Variants in FAM181B observed in about 807,000 individuals in gnomAD.
FAM181B encodes the protein protein FAM181B.
In FAM181B, 13 loss-of-function variants were observed where a neutral mutation model predicts 17.8. That is an observed-to-expected ratio of 0.73 (90% CI 0.48 to 1.16). The LOEUF (loss-of-function observed/expected upper bound fraction) is 1.16. FAM181B is among the 50% of genes most tolerant of loss of function. The pLI, the probability that FAM181B is intolerant of heterozygous loss-of-function variation, is 0.00. For missense variants in FAM181B, 725 were observed against 634.1 expected, an observed-to-expected ratio of 1.14 and a Z score of -1.54; for synonymous variants, 338 against 316.5, an observed-to-expected ratio of 1.07 and a Z score of -0.72.
In FAM181B at chr11:82,733,291, G is replaced by A. The variant is rs1235689819; in HGVS notation, c.439C>T (p.Pro147Ser). Reference protein sequence around the residue: ...VAAPAHGKAAPRREASQAAAA... With the variant: ...VAAPAHGKAASRREASQAAAA... Reference sequence around the variant, plus strand: ...GCGGCCTGCGACGCCTCCCGCCGGGGGGCAGCCTTGCCGTGGGCCGGGGCC... The same window carrying A: ...GCGGCCTGCGACGCCTCCCGCCGGGAGGCAGCCTTGCCGTGGGCCGGGGCC... The change falls in exon 1 of 1, where the codon CCC becomes TCC. Residue 147 changes from proline (P) to serine (S), a missense_variant. Transcript: ENST00000329203. 8.2e-7 allele frequency: 1 copy of A among 1,221,522 alleles called. No individual in the cohort carries two copies. Among genetic ancestry groups the A allele is most frequent in the South Asian group, 3.9e-5 (1 of 25,484 alleles). 75.7% of individuals were successfully genotyped at this position (1,221,522 alleles called of 1,614,324 possible). A position where few individuals can be genotyped will look rare whatever the true frequency, so the allele number is the denominator to read the frequency against.
Position 82,733,404 on chromosome 11 carries a change from C to T in FAM181B, c.326G>A (p.Gly109Asp). The T allele has an allele frequency of 6.7e-7, 1 of 1,500,580 alleles. No individual in the cohort carries two copies. Among genetic ancestry groups the T allele is most frequent in the South Asian group, 1.3e-5 (1 of 79,902 alleles). 93.0% of individuals were successfully genotyped at this position (1,500,580 alleles called of 1,614,324 possible). The change falls in exon 1 of 1, where the codon GGC becomes GAC. Residue 109 changes from glycine to aspartate, a missense_variant. Physicochemically the swap from Gly to Asp is moderately conservative, Grantham distance 94 (BLOSUM62 -1). Coordinates refer to ENST00000329203, the MANE Select transcript of FAM181B (RefSeq NM_175885.4). Reference protein sequence around the residue: ...KQIKRCSGLMGAAPPGPPSPS... With the variant: ...KQIKRCSGLMDAAPPGPPSPS... ...GGAGGGCGGGCCGGGGGGCGCGGCG[C>T]CCATGAGGCCGCTGCAGCGCTTGAT...
At position 82,733,423 on chromosome 11, in the gene FAM181B, G is replaced by A. The variant is rs771983271; in HGVS notation, c.307C>T (p.Arg103Cys). 2 of 1,561,520 alleles carry A rather than the reference G, an allele frequency of 1.3e-6. No individual in the cohort carries two copies. Among genetic ancestry groups the A allele is most frequent in the Non-Finnish European group, 1.7e-6 (2 of 1,154,258 alleles). ...GCGGCGCCCATGAGGCCGCTGCAGC[G>A]CTTGATCTGCTTCTGCAGGTACTTG... ...HRKYLQKQIK[R>C]CSGLMGAAPP... Residue 103 changes from arginine to cysteine, a missense_variant, in exon 1 of 1, where the codon CGC becomes TGC. Coordinates refer to ENST00000329203, the MANE Select transcript of FAM181B (RefSeq NM_175885.4).
rs1394580648 is a variant in FAM181B at position 82,730,404 on chromosome 11, AGAG to A, written c.*2042_*2044del. 1 of 152,242 alleles carries A rather than the reference AGAG, an allele frequency of 6.6e-6. No homozygotes were observed. The highest frequency in any genetic ancestry group is 1.5e-5 in the Non-Finnish European group (1 of 68,040). 9.4% of individuals were successfully genotyped at this position (152,242 alleles called of 1,614,324 possible). A position where few individuals can be genotyped will look rare whatever the true frequency, so the allele number is the denominator to read the frequency against. On this transcript the variant is annotated 3_prime_UTR_variant, in exon 1 of 1. Coordinates refer to ENST00000329203, the MANE Select transcript of FAM181B (RefSeq NM_175885.4). ...GTTTTACTACACTAGGTAAGAAAGG[AGAG>A]GAGAATTAAGAAACATTACAATGAC...
chr11:82,733,798 C>T lies in FAM181B; in HGVS notation c.-69G>A, dbSNP rs1252586194. 8.4e-7 allele frequency: 1 copy of T among 1,188,420 alleles called. No homozygotes were observed. The highest frequency in any genetic ancestry group is 1.0e-6 in the Non-Finnish European group (1 of 955,134). The allele number at this position is 1,188,420 out of a possible 1,614,324, so 73.6% of individuals were successfully genotyped here. On this transcript the variant is annotated 5_prime_UTR_variant, in exon 1 of 1. Transcript: ENST00000329203. ...CGCCAGCTCCTGCCCGCCGCCCAGA[C>T]CCAGCTCCCGCCCCGGCGCGGCGCG...
Position 82,732,574 on chromosome 11 carries a change from G to A in FAM181B, c.1156C>T (p.Pro386Ser), listed in dbSNP as rs1857145205. 1 of 1,607,506 alleles carries A rather than the reference G, an allele frequency of 6.2e-7. No homozygotes were observed. Among genetic ancestry groups the A allele is most frequent in the Non-Finnish European group, 8.5e-7 (1 of 1,177,638 alleles). Residue 386 changes from proline (P) to serine (S), a missense_variant, in exon 1 of 1, where the codon CCG becomes TCG. Pro to Ser is a moderately conservative substitution (Grantham distance 74). Coordinates refer to ENST00000329203, the MANE Select transcript of FAM181B (RefSeq NM_175885.4). ...FFPDCALPPP[P>S]PPHQVSYDYS... ...TCGTAGGACACCTGATGGGGCGGCG[G>A]CGGCGGGGGCAGGGCGCAGTCTGGA...
chr11:82,732,472 C>T lies in FAM181B; in HGVS notation c.1258G>A (p.Glu420Lys), dbSNP rs746141501. Residue 420 changes from glutamate to lysine, a missense_variant, in exon 1 of 1, where the codon GAG becomes AAG. Coordinates refer to ENST00000329203, the MANE Select transcript of FAM181B (RefSeq NM_175885.4). Reference protein sequence around the residue: ...SDGVWEGAPGEEGAHRD With the variant: ...SDGVWEGAPGKEGAHRD ...AGTCAGTCCCGGTGCGCCCCCTCCT[C>T]CCCCGGCGCCCCTTCCCAAACCCCG... The T allele has an allele frequency of 1.1e-5, 18 of 1,612,920 alleles. No homozygotes were observed. In the South Asian group the frequency reaches 1.8e-4, roughly 16 times the overall value.
Position 82,733,399 on chromosome 11 carries a change from C to G in FAM181B, c.331G>C (p.Ala111Pro). ...CTCGGGGAGGGCGGGCCGGGGGGCG[C>G]GGCGCCCATGAGGCCGCTGCAGCGC... is the stretch of plus-strand genomic sequence containing the variant. ...IKRCSGLMGA[A>P]PPGPPSPSAA... is the part of the protein sequence containing the mutation. Residue 111 changes from alanine to proline, a missense_variant, in exon 1 of 1, where the codon GCG (alanine) becomes CCG (proline). By Grantham distance (27) the Ala-to-Pro change is conservative (BLOSUM62 -1). Coordinates refer to ENST00000329203, the MANE Select transcript of FAM181B (RefSeq NM_175885.4). The G allele has an allele frequency of 1.3e-6, 2 of 1,483,402 alleles. No homozygotes were observed. Among genetic ancestry groups the G allele is most frequent in the Non-Finnish European group, 1.8e-6 (2 of 1,115,326 alleles). The allele number at this position is 1,483,402 out of a possible 1,614,324, so 91.9% of individuals were successfully genotyped here.
In FAM181B at chr11:82,733,303, C is replaced by A. The variant is rs1209008369; in HGVS notation, c.427G>T (p.Gly143Cys). ...SAPTVAAPAH[G>C]KAAPRREASQ... ...GCCTCCCGCCGGGGGGCAGCCTTGC[C>A]GTGGGCCGGGGCCGCGACTGTCGGG... Residue 143 changes from glycine to cysteine, a missense_variant, in exon 1 of 1, where the codon GGC becomes TGC. Transcript: ENST00000329203. 1.6e-6 allele frequency: 2 copies of A among 1,229,288 alleles called. No individual in the cohort carries two copies. Among genetic ancestry groups the A allele is most frequent in the East Asian group, 6.8e-5 (2 of 29,622 alleles). 76.1% of individuals were successfully genotyped at this position (1,229,288 alleles called of 1,614,324 possible). A position where few individuals can be genotyped will look rare whatever the true frequency, so the allele number is the denominator to read the frequency against.
In FAM181B at chr11:82,732,940, ACTCCACGGC is replaced by A; in HGVS notation, c.781_789del (p.Ala261_Glu263del). On this transcript the variant is annotated inframe_deletion, in exon 1 of 1. Transcript: ENST00000329203. Reference sequence around the variant, plus strand: ...TAGTCGGGCCCCAGCAGCTCAAAGAACTCCACGGCCTCCGCGCCCTTCTCCAGGTCGCCC... The same window carrying A: ...TAGTCGGGCCCCAGCAGCTCAAAGAACTCCGCGCCCTTCTCCAGGTCGCCC... The A allele has an allele frequency of 6.4e-7, 1 of 1,569,592 alleles. No individual in the cohort carries two copies. The highest frequency in any genetic ancestry group is 8.6e-7 in the Non-Finnish European group (1 of 1,164,782).
Position 82,733,141 on chromosome 11 carries a change from C to G in FAM181B, c.589G>C (p.Gly197Arg). ...AAPAAGLGGA[G>R]TGGAGGDVAG... ...ACGTCCCCTCCCGCGCCCCCAGTGCCCGCACCTCCTAGCCCGGCCGCCGGC... is the reference window on the plus strand; with the variant it reads ...ACGTCCCCTCCCGCGCCCCCAGTGCGCGCACCTCCTAGCCCGGCCGCCGGC... The change falls in exon 1 of 1, where the codon GGC (glycine) becomes CGC (arginine). Residue 197 changes from glycine (G) to arginine (R), a missense_variant. Gly to Arg is a moderately radical substitution (Grantham distance 125). Transcript: ENST00000329203. 1 of 1,449,712 alleles carries G rather than the reference C, an allele frequency of 6.9e-7. No individual in the cohort carries two copies. The highest frequency in any genetic ancestry group is 1.4e-5 in the South Asian group (1 of 72,178). 89.8% of individuals were successfully genotyped at this position (1,449,712 alleles called of 1,614,324 possible).
At position 82,733,647 on chromosome 11, in the gene FAM181B, G is replaced by A; in HGVS notation, c.83C>T (p.Ala28Val). 6.3e-7 allele frequency: 1 copy of A among 1,587,954 alleles called. No homozygotes were observed. The highest frequency in any genetic ancestry group is 8.5e-7 in the Non-Finnish European group (1 of 1,172,428). Residue 28 changes from alanine to valine, a missense_variant, in exon 1 of 1, where the codon GCC (alanine) becomes GTC (valine). Ala to Val is a moderately conservative substitution (Grantham distance 64). Coordinates refer to ENST00000329203, the MANE Select transcript of FAM181B (RefSeq NM_175885.4). ...GCAGCCCTTGTCCAGGGCTCCGAAG[G>A]CGCCCCCTAGCCCGTCCGGGGAGCC... Reference protein sequence around the residue: ...FGGSPDGLGGAFGALDKGCCF... With the variant: ...FGGSPDGLGGVFGALDKGCCF...
At position 82,732,624 on chromosome 11, in the gene FAM181B, T is replaced by C. The variant is rs747888156; in HGVS notation, c.1106A>G (p.His369Arg). ...AAAGAAGGGGGCGAAAGAGGCCAAA[T>C]GGCCCCGCCCGTCCTCCCCGCCGGG... ...DSPGGEDGRG[H>R]LASFAPFFPD... Residue 369 changes from histidine (H) to arginine (R), a missense_variant, in exon 1 of 1, where the codon CAT becomes CGT. His to Arg is a conservative substitution (Grantham distance 29). Coordinates refer to ENST00000329203, the MANE Select transcript of FAM181B (RefSeq NM_175885.4). 40 of 1,544,508 alleles carry C rather than the reference T, an allele frequency of 2.6e-5. No individual in the cohort carries two copies. Among genetic ancestry groups the C allele is most frequent in the Non-Finnish European group, 3.4e-5 (39 of 1,143,666 alleles).
chr11:82,733,833 G>A lies in FAM181B; in HGVS notation c.-104C>T, dbSNP rs1032313965. 2.1e-6 allele frequency: 2 copies of A among 973,864 alleles called. No individual in the cohort carries two copies. Among genetic ancestry groups the A allele is most frequent in the Non-Finnish European group, 2.6e-6 (2 of 772,132 alleles). 60.3% of individuals were successfully genotyped at this position (973,864 alleles called of 1,614,324 possible). On this transcript the variant is annotated 5_prime_UTR_variant, in exon 1 of 1. Coordinates refer to ENST00000329203, the MANE Select transcript of FAM181B (RefSeq NM_175885.4). ...GCCCCGGCGCGGCGCGCGCGGCGCA[G>A]CCTACTAGTTCCGGGCCTGGCTCGC... is the stretch of plus-strand genomic sequence containing the variant.
At position 82,732,803 on chromosome 11, in the gene FAM181B, C is replaced by T. The variant is rs1857151456; in HGVS notation, c.927G>A (p.Glu309=). Residue 309 remains glutamate, a synonymous_variant, in exon 1 of 1, where the codon GAG becomes GAA. Transcript: ENST00000329203. The part of the protein sequence containing the change: ...GPPELEPGLF[E]PPPAVVGNLL... ...GGTTTCCCACCACTGCCGGCGGCGG[C>T]TCAAAGAGGCCGGGCTCCAGCTCCG... 4.0e-6 allele frequency: 6 copies of T among 1,507,298 alleles called. No individual in the cohort carries two copies. The highest frequency in any genetic ancestry group is 1.4e-5 in the African/African-American group (1 of 70,886). The allele number at this position is 1,507,298 out of a possible 1,614,324, so 93.4% of individuals were successfully genotyped here.
rs1182472450 is a variant in FAM181B at position 82,731,562 on chromosome 11, C to G, written c.*887G>C. 1 of 152,222 alleles carries G rather than the reference C, an allele frequency of 6.6e-6. No individual in the cohort carries two copies. The highest frequency in any genetic ancestry group is 1.5e-5 in the Non-Finnish European group (1 of 68,058). The allele number at this position is 152,222 out of a possible 1,614,324, so 9.4% of individuals were successfully genotyped here. A position where few individuals can be genotyped will look rare whatever the true frequency, so the allele number is the denominator to read the frequency against. On this transcript the variant is annotated 3_prime_UTR_variant, in exon 1 of 1. Transcript: ENST00000329203. ...ACCAGTTGTGAAGTGAGTAGAAGAA[C>G]ATTACCGTCTTCACCCTCTCAGATC...
chr11:82,731,639 G>A lies in FAM181B; in HGVS notation c.*810C>T, dbSNP rs1857131044. The A allele has an allele frequency of 6.6e-6, 1 of 152,302 alleles. No homozygotes were observed. Among genetic ancestry groups the A allele is most frequent in the South Asian group, 2.1e-4 (1 of 4,820 alleles). 9.4% of individuals were successfully genotyped at this position (152,302 alleles called of 1,614,324 possible). Reference sequence around the variant, plus strand: ...GTTTGCCCACCCTCTCCCTCCCAAAGTGGCTGGAAAATGGGGAAAAGACAG... The same window carrying A: ...GTTTGCCCACCCTCTCCCTCCCAAAATGGCTGGAAAATGGGGAAAAGACAG... On this transcript the variant is annotated 3_prime_UTR_variant, in exon 1 of 1. Coordinates refer to ENST00000329203, the MANE Select transcript of FAM181B (RefSeq NM_175885.4).
rs1241961641 is a variant in FAM181B at position 82,732,448 on chromosome 11, G to A, written c.*1C>T. The A allele has an allele frequency of 1.2e-6, 2 of 1,612,612 alleles. No homozygotes were observed. Among genetic ancestry groups the A allele is most frequent in the African/African-American group, 1.3e-5 (1 of 75,008 alleles). ...CTAATGAAGGGAAGCGTGCCTCGAA[G>A]TCAGTCCCGGTGCGCCCCCTCCTCC... On this transcript the variant is annotated 3_prime_UTR_variant, in exon 1 of 1. Transcript: ENST00000329203.
Position 82,733,768 on chromosome 11 carries a change from G to C in FAM181B, c.-39C>G. ...GGGCTGTCCGCAGCGCTGCCCGTGC[G>C]CCCCCGCCAGCTCCTGCCCGCCGCC... On this transcript the variant is annotated 5_prime_UTR_variant, in exon 1 of 1. Transcript: ENST00000329203. 7.8e-7 allele frequency: 1 copy of C among 1,287,860 alleles called. No individual in the cohort carries two copies. The highest frequency in any genetic ancestry group is 9.8e-7 in the Non-Finnish European group (1 of 1,017,502). The allele number at this position is 1,287,860 out of a possible 1,614,324, so 79.8% of individuals were successfully genotyped here.
In FAM181B at chr11:82,733,813, G is replaced by GGCGCGGCGC. The variant is rs1252702046; in HGVS notation, c.-93_-85dup. On this transcript the variant is annotated 5_prime_UTR_variant, in exon 1 of 1. Coordinates refer to ENST00000329203, the MANE Select transcript of FAM181B (RefSeq NM_175885.4). ...GCCGCCCAGACCCAGCTCCCGCCCC[G>GGCGCGGCGC]GCGCGGCGCGCGCGGCGCAGCCTAC... 2 of 1,121,150 alleles carry GGCGCGGCGC rather than the reference G, an allele frequency of 1.8e-6. No individual in the cohort carries two copies. The highest frequency in any genetic ancestry group is 1.1e-6 in the Non-Finnish European group (1 of 901,882). The allele number at this position is 1,121,150 out of a possible 1,614,324, so 69.5% of individuals were successfully genotyped here.
Sources: allele counts gnomAD v4.1 joint callset, GRCh38; gene constraint gnomAD v4.1.1; transcripts MANE v1.5; gene names NCBI Gene and HGNC (gene_info 2026-07-23, HGNC 2026-07-21).